Variants in RHOF observed in about 807,000 individuals in gnomAD.
RHOF encodes ras homolog family member F, filopodia associated.
In RHOF, 21 loss-of-function variants were observed where a neutral mutation model predicts 22.2. The ratio of observed to expected loss-of-function variants is 0.95; its 90% CI spans 0.67 to 1.36. The LOEUF (loss-of-function observed/expected upper bound fraction) is 1.36. RHOF is among the 40% of genes most tolerant of loss of function. The pLI is 0.00. For missense variants in RHOF, 285 were observed against 293.7 expected (o/e 0.97, Z 0.22); for synonymous variants, 135 against 131.2 (o/e 1.03, Z -0.20).
At chr12:121,791,157 G>T (rs1249342042) in intron 2 of RHOF, among the ~76,000 whole-genome samples, 2 of 151,800 alleles carry the variant, frequency 1.3e-5, no homozygotes. Context: ...ATGTAGTCTC[G>T]CCCTGTCACC....
chr12:121,782,845 GGCTTC>G (rs1874507606), intron 2 of RHOF: 1 of 152,178 alleles, frequency 6.6e-6, no homozygotes, highest in Non-Finnish European at 1.5e-5. Context: ...TGGGAGTCTT[GGCTTC>G]CCCATCTGGG....
Position 121,779,647 on chromosome 12 carries a change from C to A in RHOF, c.487G>T (p.Glu163Ter). ...AGGTAGAGAGCAGCTCGGATCTGTT[C>A]GCAGGCGCTCAGGCCCTGGGTGGGG... is the stretch of plus-strand genomic sequence containing the variant. ...ITYMQGLSACEQIRAALYLEC... is the reference protein window; with the variant it reads ...ITYMQGLSAC Residue 163 changes from glutamate (E) to a stop codon, truncating the protein, a stop_gained, in exon 5 of 5, where the codon GAA (glutamate) becomes TAA (stop). Coordinates refer to ENST00000267205, the MANE Select transcript of RHOF (RefSeq NM_019034.3). LOFTEE classifies it high-confidence loss of function. The A allele has an allele frequency of 3.1e-6, 5 of 1,613,964 alleles. No homozygotes were observed. Among genetic ancestry groups the A allele is most frequent in the Non-Finnish European group, 4.2e-6 (5 of 1,179,912 alleles).
intron 2 of RHOF, among the ~76,000 whole-genome samples, chr12:121,790,477 A>G (rs1362107468): frequency 6.6e-6 from 1 of 152,186 alleles, no homozygotes; most frequent in Non-Finnish European, 1.5e-5. Context: ...GCCGAGATGA[A>G]TCATCTCCGG....
chr12:121,793,420 G>A, intron 1 of RHOF, 76 bp downstream of exon 1: 1 of 1,516,254 alleles, frequency 6.6e-7, no homozygotes. Context: ...GGGACGCTGG[G>A]GACTGAGGGT....
intron 2 of RHOF, among the ~76,000 whole-genome samples, chr12:121,785,417 C>CTTT (rs1265055367): frequency 6.6e-5 from 6 of 90,828 alleles, no homozygotes; most frequent in African/African-American, 5.7e-5. Context: ...TTCTTTTTTT[C>CTTT]TTTACTTTTT....
Position 121,779,578 on chromosome 12 carries a change from G to A in RHOF, c.556C>T (p.Arg186Trp), listed in dbSNP as rs765693209. The A allele has an allele frequency of 6.8e-6, 11 of 1,614,014 alleles. No individual in the cohort carries two copies. The highest frequency in any genetic ancestry group is 1.6e-4 in the Middle Eastern group (1 of 6,084). ...CTGAGAGCCACCTTGGCGGCCTCCC[G>A]GAAGACGTCCTCCACATTCTCCCGA... ...KFRENVEDVF[R>W]EAAKVALSAL... Residue 186 changes from arginine to tryptophan, a missense_variant, in exon 5 of 5, where the codon CGG becomes TGG. Physicochemically the swap from Arg to Trp is moderately radical, Grantham distance 101. Transcript: ENST00000267205.
chr12:121,779,135 G>C lies in RHOF; in HGVS notation c.*363C>G, dbSNP rs541548611. 2.6e-5 allele frequency: 6 copies of C among 229,892 alleles called. No homozygotes were observed. The East Asian group carries it at 5.7e-4, about 22-fold the overall frequency. 14.2% of individuals were successfully genotyped at this position (229,892 alleles called of 1,614,324 possible). On this transcript the variant is annotated 3_prime_UTR_variant, in exon 5 of 5. Coordinates refer to ENST00000267205, the MANE Select transcript of RHOF (RefSeq NM_019034.3). ...GTGGCAGGCTTGGGGCGCCCGCGTGGAACAGTGCCAGGTCTACGTTTACCC... is the reference window on the plus strand; with the variant it reads ...GTGGCAGGCTTGGGGCGCCCGCGTGCAACAGTGCCAGGTCTACGTTTACCC...
rs201682479 is a variant in RHOF at position 121,781,094 on chromosome 12, C to T, written c.325G>A (p.Val109Ile). 1.7e-4 allele frequency: 267 copies of T among 1,614,198 alleles called. 1 individual carries two copies. The highest frequency in any genetic ancestry group is 3.8e-4 in the Admixed American group (23 of 60,024). Residue 109 changes from valine to isoleucine, a missense_variant, in exon 3 of 5, where the codon GTC becomes ATC. Physicochemically the swap from Val to Ile is conservative, Grantham distance 29 (BLOSUM62 3). Coordinates refer to ENST00000267205, the MANE Select transcript of RHOF (RefSeq NM_019034.3). ...GAGGCCGGCCTCACCTTGATGAGGA[C>T]GTTGTCGTAGCTGGTGGGATTCATG... Reference protein sequence around the residue: ...DVMNPTSYDNVLIKWFPEVTH... With the variant: ...DVMNPTSYDNILIKWFPEVTH...
In RHOF at chr12:121,793,234, G is replaced by A. The variant is rs913055643; in HGVS notation, c.144C>T (p.Tyr48=). The change falls in exon 2 of 5, where the codon TAC becomes TAT. Residue 48 remains tyrosine, a synonymous_variant. Transcript: ENST00000267205. ...TGTACTTCTCGAACACCGATGGGGC[G>A]TAGTGCTGCGGGAGAGGGGGTCGGG... The part of the protein sequence containing the change: ...VYSQGSFPEH[Y]APSVFEKYTA... 14 of 1,550,808 alleles carry A rather than the reference G, an allele frequency of 9.0e-6. No homozygotes were observed. The highest frequency in any genetic ancestry group is 2.7e-5 in the African/African-American group (2 of 73,060).
chr12:121,792,532 C>T (rs889460944), intron 2 of RHOF, among the ~76,000 whole-genome samples: 2 of 152,268 alleles, frequency 1.3e-5, no homozygotes, highest in Admixed American at 6.5e-5. Context: ...ATTTTCTACA[C>T]TGTCTGGTTT....
rs143755894 is a variant in RHOF, at chr12:121,780,979, G to A, written c.364C>T (p.Arg122Cys). Reference protein sequence around the residue: ...KWFPEVTHFCRGIPMVLIGCK... With the variant: ...KWFPEVTHFCCGIPMVLIGCK... ...CCGATGAGCACCATGGGGATCCCGC[G>A]GCAGAAATGCGTGACCTCAGGGAAC... Residue 122 changes from arginine (R) to cysteine (C), a missense_variant, in exon 4 of 5, where the codon CGC becomes TGC. Physicochemically the swap from Arg to Cys is radical, Grantham distance 180 (BLOSUM62 -3). Coordinates refer to ENST00000267205, the MANE Select transcript of RHOF (RefSeq NM_019034.3). 22 of 1,613,932 alleles carry A rather than the reference G, an allele frequency of 1.4e-5. No homozygotes were observed. In the African/African-American group the frequency reaches 1.6e-4, roughly 12 times the overall value.
At chr12:121,793,325 C>A (rs1566536028) in intron 1 of RHOF, 86 bp from the exon 2 acceptor site, 3 of 1,450,168 alleles carry the variant, frequency 2.1e-6, no homozygotes, top group South Asian at 1.2e-5. Flanking sequence ...CCCCCTCACT[C>A]GTCCCGGATC....
intron 2 of RHOF, among the ~76,000 whole-genome samples, chr12:121,786,059 G>C (rs1035644887): frequency 6.6e-6 from 1 of 151,494 alleles, no homozygotes; most frequent in South Asian, 2.1e-4. Context: ...GGGACTACAG[G>C]CGCCCACCAC....
rs1006132673 is a variant in RHOF at position 121,777,889 on chromosome 12, T to C, written c.*1609A>G. On this transcript the variant is annotated 3_prime_UTR_variant, in exon 5 of 5. Transcript: ENST00000267205. ...TCGAGAACAAGAACTCCTTGGTTGA[T>C]TCCCCAGGGTACGGCAGGGCCTTGG... 1 of 152,216 alleles carries C rather than the reference T, an allele frequency of 6.6e-6. No individual in the cohort carries two copies. The highest frequency in any genetic ancestry group is 1.9e-4 in the East Asian group (1 of 5,198). 9.4% of individuals were successfully genotyped at this position (152,216 alleles called of 1,614,324 possible).
chr12:121,793,343 C>T (rs1017156869), intron 1 of RHOF, 104 bp from the exon 2 acceptor site: 1 of 1,433,546 alleles, frequency 7.0e-7, no homozygotes, highest in African/African-American at 1.4e-5. Context: ...ATCAGCCCCC[C>T]CTCACCCCGC....
intron 2 of RHOF, among the ~76,000 whole-genome samples, chr12:121,787,922 G>A (rs1387267965): frequency 1.0e-5 from 1 of 97,694 alleles, no homozygotes; most frequent in Non-Finnish European, 2.1e-5. Flanking sequence ...GGGGGGGGGC[G>A]GGGTTTGCTC....
intron 2 of RHOF, among the ~76,000 whole-genome samples, chr12:121,783,327 C>CG (rs71079096): frequency 3.4e-5 from 5 of 148,672 alleles, no homozygotes; most frequent in African/African-American, 1.3e-4. Context: ...CCCCCCCCCC[C>CG]ACCTTTTCTT....
chr12:121,790,417 G>T (rs186692157), intron 2 of RHOF, among the ~76,000 whole-genome samples: 3 of 152,340 alleles, frequency 2.0e-5, no homozygotes, highest in Admixed American at 1.3e-4. Flanking sequence ...CTACGTGGCC[G>T]CCTGGCCATG....
At chr12:121,783,731 C>T (rs1323230921) in intron 2 of RHOF, among the ~76,000 whole-genome samples, 2 of 152,184 alleles carry the variant, frequency 1.3e-5, no homozygotes, top group South Asian at 2.1e-4. Context: ...ATCCACTCAC[C>T]TCGACCTTCC....
Sources: allele counts gnomAD v4.1 joint callset (sites outside exome capture counted in the v4.1 genomes callset), GRCh38; gene constraint gnomAD v4.1.1; transcripts MANE v1.5; gene names NCBI Gene and HGNC (gene_info 2026-07-23, HGNC 2026-07-21).